ABCE1: variants seen among roughly 807,000 people sequenced by gnomAD.
The protein encoded by ABCE1 is ATP-binding cassette sub-family E member 1.
Under a neutral mutation model 83.4 loss-of-function variants are expected in ABCE1, and 22 were observed. The observed-to-expected ratio is 0.26, with a 90% CI of 0.19 to 0.38. ABCE1 has a LOEUF of 0.38. ABCE1 is among the 10% of genes least tolerant of loss of function. ABCE1 has a pLI of 1.00. For missense variants in ABCE1, 330 were observed against 721.9 expected, an observed-to-expected ratio of 0.46 and a Z score of 6.22; for synonymous variants, 204 against 233.7, an observed-to-expected ratio of 0.87 and a Z score of 1.16.
intron 1 of ABCE1, among the ~76,000 whole-genome samples, chr4:145,103,017 T>C (rs1476083440): frequency 1.3e-5 from 2 of 152,094 alleles, no homozygotes; most frequent in Non-Finnish European, 2.9e-5. Flanking sequence ...TAAAAGAGTG[T>C]GTGAAAGTTA....
chr4:145,107,123 A>G (rs1021872436), intron 3 of ABCE1, among the ~76,000 whole-genome samples: 7 of 152,246 alleles, frequency 4.6e-5, no homozygotes, highest in African/African-American at 1.4e-4. Context: ...TTGGACAGTC[A>G]TCTTATAGTT....
At chr4:145,117,502 A>G in intron 10 of ABCE1, 88 bp downstream of exon 10, 2 of 1,307,434 alleles carry the variant, frequency 1.5e-6, no homozygotes, top group Non-Finnish European at 2.1e-6. Flanking sequence ...GTAGTTTTAC[A>G]TTGGTCTGAT....
intron 1 of ABCE1, among the ~76,000 whole-genome samples, chr4:145,101,480 G>C (rs1749154335): frequency 6.6e-6 from 1 of 152,196 alleles, no homozygotes; most frequent in Non-Finnish European, 1.5e-5. Flanking sequence ...ATTTTAAATA[G>C]AGGAGTGACA....
At chr4:145,113,196 C>T (rs987215782) in intron 9 of ABCE1, among the ~76,000 whole-genome samples, 2 of 152,172 alleles carry the variant, frequency 1.3e-5, no homozygotes, top group African/African-American at 4.8e-5. Context: ...TGGATTTTCA[C>T]ACATAAAGTG....
chr4:145,111,064 T>C lies in ABCE1; in HGVS notation c.710T>C (p.Ile237Thr). ...GTCGTTTGCATACAGAAAGCTGATATGTAGGTTACTTTACAATTTTTGTTT... is the reference window on the plus strand; with the variant it reads ...GTCGTTTGCATACAGAAAGCTGATACGTAGGTTACTTTACAATTTTTGTTT... ...CAVVCIQKAD[I>T]FMFDEPSSYL... The change falls in exon 8 of 18, where the codon ATT becomes ACT. Residue 237 changes from isoleucine to threonine, a missense_variant and splice_region_variant. Physicochemically the swap from Ile to Thr is moderately conservative, Grantham distance 89 (BLOSUM62 -1). Coordinates refer to ENST00000296577, the MANE Select transcript of ABCE1 (RefSeq NM_002940.3). 6.2e-7 allele frequency: 1 copy of C among 1,605,200 alleles called. No individual in the cohort carries two copies. The highest frequency in any genetic ancestry group is 1.7e-4 in the Middle Eastern group (1 of 6,006).
intron 1 of ABCE1, among the ~76,000 whole-genome samples, chr4:145,099,102 A>G (rs1279831968): frequency 1.3e-5 from 2 of 152,088 alleles, no homozygotes; most frequent in East Asian, 3.9e-4. Context: ...CTTTTATTGT[A>G]TCTAATACTC....
intron 7 of ABCE1, among the ~76,000 whole-genome samples, chr4:145,110,670 T>A (rs765835479): frequency 6.6e-6 from 1 of 152,012 alleles, no homozygotes; most frequent in East Asian, 1.9e-4. Flanking sequence ...AGAGACCGGG[T>A]TTCTCCATGT....
intron 9 of ABCE1, among the ~76,000 whole-genome samples, chr4:145,112,591 A>C (rs1158825072): frequency 6.6e-6 from 1 of 152,166 alleles, no homozygotes; most frequent in Admixed American, 6.5e-5. Context: ...GCAGACCCTT[A>C]GCTTTTACCA....
intron 9 of ABCE1, among the ~76,000 whole-genome samples, chr4:145,112,623 GTCTC>G (rs1027291251): frequency 1.3e-5 from 2 of 152,018 alleles, no homozygotes; most frequent in African/African-American, 4.8e-5. Flanking sequence ...CTCTCTCTCT[GTCTC>G]TCATTTTCAC....
intron 11 of ABCE1, chr4:145,120,947 A>T (rs879359858): frequency 1.6e-5 from 8 of 492,340 alleles, no homozygotes; most frequent in Non-Finnish European, 2.9e-5. Context: ...ATTTATTAAA[A>T]TTGTCATAAG....
At chr4:145,105,512 A>G in intron 2 of ABCE1, 93 bp from the exon 3 acceptor site, 1 of 815,612 alleles carries the variant, frequency 1.2e-6, no homozygotes, top group Non-Finnish European at 2.0e-6. Context: ...CTGCTTCTGT[A>G]TGGAAATTTA....
chr4:145,124,714 T>A (rs1298772179), intron 16 of ABCE1, among the ~76,000 whole-genome samples: 1 of 152,208 alleles, frequency 6.6e-6, no homozygotes, highest in African/African-American at 2.4e-5. Flanking sequence ...TCTAAAGTAG[T>A]ACTTCTATCT....
At chr4:145,109,050 A>G in intron 4 of ABCE1, 82 bp from the exon 5 acceptor site, 1 of 960,190 alleles carries the variant, frequency 1.0e-6, no homozygotes, top group African/African-American at 1.7e-5. Flanking sequence ...GTGCAGGTGC[A>G]TTAAAATATA....
At chr4:145,110,509 C>T in intron 7 of ABCE1, 65 bp downstream of exon 7, 1 of 1,513,726 alleles carries the variant, frequency 6.6e-7, no homozygotes, top group Non-Finnish European at 9.1e-7. Flanking sequence ...GAGTTTCGCT[C>T]TTGTTGCCCA....
chr4:145,112,410 C>T (rs905890314), intron 9 of ABCE1, 82 bp downstream of exon 9: 2 of 922,460 alleles, frequency 2.2e-6, no homozygotes, highest in Admixed American at 3.0e-5. Context: ...CTGGGACTGT[C>T]AATGTGATGT....
chr4:145,107,957 GT>G, intron 3 of ABCE1, 57 bp from the exon 4 acceptor site: 4 of 1,287,756 alleles, frequency 3.1e-6, no homozygotes, highest in Non-Finnish European at 4.3e-6. Context: ...ATCCATTTTA[GT>G]TATGTGTATA....
At chr4:145,109,957 CTT>C in intron 5 of ABCE1, 144 bp from the exon 6 acceptor site, 1 of 690,148 alleles carries the variant, frequency 1.4e-6, no homozygotes, top group South Asian at 2.7e-5. Context: ...GGAAATGAGA[CTT>C]TTATTAATTA....
At position 145,128,723 on chromosome 4, in the gene ABCE1, TA is replaced by T. The variant is rs910101016; in HGVS notation, c.*1153del. The T allele has an allele frequency of 2.0e-5, 3 of 152,192 alleles. No homozygotes were observed. Among genetic ancestry groups the T allele is most frequent in the Non-Finnish European group, 4.4e-5 (3 of 68,024 alleles). 9.4% of individuals were successfully genotyped at this position (152,192 alleles called of 1,614,324 possible). A position where few individuals can be genotyped will look rare whatever the true frequency, so the allele number is the denominator to read the frequency against. On this transcript the variant is annotated 3_prime_UTR_variant, in exon 18 of 18. Transcript: ENST00000296577. ...ATTATGAGTGAGGAAGAGTGTTTAC[TA>T]AATAAATGACTGGGGCAAGCAAAAT... is the stretch of plus-strand genomic sequence containing the variant.
intron 17 of ABCE1, among the ~76,000 whole-genome samples, 189 bp downstream of exon 17, chr4:145,125,290 C>T (rs906641437): frequency 2.6e-5 from 4 of 151,910 alleles, no homozygotes; most frequent in African/African-American, 9.7e-5. Flanking sequence ...CAACATGGTG[C>T]AACCCCATCT....
Sources: gnomAD v4.1 joint callset for allele counts (sites outside exome capture counted in the v4.1 genomes callset) on GRCh38, gnomAD v4.1.1 for gene constraint, MANE v1.5 for transcripts, NCBI Gene and HGNC (gene_info 2026-07-23, HGNC 2026-07-21) for gene names.